UGT1A8: variants seen among roughly 807,000 people sequenced by gnomAD.
UGT1A8 encodes the protein UDP glucuronosyltransferase family 1 member A8, also known as UDP-glucuronosyltransferase 1A8.
A neutral mutation model predicts 45.3 loss-of-function variants in UGT1A8; 39 were observed. The observed-to-expected ratio is 0.86, with a 90% confidence interval of 0.67 to 1.12. UGT1A8 has a LOEUF of 1.12. Among genes scored for constraint, UGT1A8 ranks in the 50% most tolerant of loss-of-function variants. The pLI, the probability that UGT1A8 is intolerant of heterozygous loss-of-function variation, is 0.00. For missense variants in UGT1A8, 719 were observed against 664.9 expected (o/e 1.08, Z -0.90); for synonymous variants, 275 against 249.2 (o/e 1.10, Z -0.97).
chr2:233,689,563 A>AT (rs1226947412), intron 1 of UGT1A8, among the ~76,000 whole-genome samples: 8 of 152,172 alleles, frequency 5.3e-5, no homozygotes, highest in African/African-American at 1.7e-4. Flanking sequence ...GAATTCAGAG[A>AT]TTTTCTGATT....
chr2:233,632,277 C>T (rs1285999966), intron 1 of UGT1A8, among the ~76,000 whole-genome samples: 1 of 152,150 alleles, frequency 6.6e-6, no homozygotes, highest in Admixed American at 6.5e-5. Context: ...ATGATGCCTC[C>T]AGCTTTGTTC....
Position 233,743,631 on chromosome 2 carries a change from G to T in UGT1A8, c.856-23403G>T, listed in dbSNP as rs1346320649. Reference sequence around the variant, plus strand: ...AAGAACTCCCTGAAGACGTCGGCTGGGTCGCGGAAGCTGAAGACGTACTCG... The same window carrying T: ...AAGAACTCCCTGAAGACGTCGGCTGTGTCGCGGAAGCTGAAGACGTACTCG... On this transcript the variant is annotated intron_variant, in intron 1 of 4. Transcript: ENST00000373450. The T allele has an allele frequency of 2.2e-6, 3 of 1,367,310 alleles. No homozygotes were observed. The East Asian group carries it at 1.4e-4, about 62-fold the overall frequency. 84.7% of individuals were successfully genotyped at this position (1,367,310 alleles called of 1,614,324 possible).
At chr2:233,721,970 T>C (rs996384194) in intron 1 of UGT1A8, 2 of 281,884 alleles carry the variant, frequency 7.1e-6, no homozygotes, top group African/African-American at 4.4e-5. Context: ...CATACATTGA[T>C]GGCCTGGGTA....
At chr2:233,670,904 C>T (rs925329151) in intron 1 of UGT1A8, among the ~76,000 whole-genome samples, 1 of 152,076 alleles carries the variant, frequency 6.6e-6, no homozygotes, top group South Asian at 2.1e-4. Flanking sequence ...GTGTTCTTGC[C>T]GAGGCCTTCT....
intron 1 of UGT1A8, chr2:233,647,869 T>G: frequency 7.1e-7 from 1 of 1,403,494 alleles, no homozygotes; most frequent in African/African-American, 1.4e-5. Context: ...GTTTTTCTAT[T>G]TCCTATTTCA....
chr2:233,736,452 G>A (rs1396481734), intron 1 of UGT1A8, among the ~76,000 whole-genome samples: 6 of 152,126 alleles, frequency 3.9e-5, no homozygotes, highest in Non-Finnish European at 7.3e-5. Flanking sequence ...CAATAGGTTC[G>A]AACATGCACT....
intron 1 of UGT1A8, among the ~76,000 whole-genome samples, chr2:233,657,029 G>T (rs1383603904): frequency 1.3e-5 from 2 of 151,876 alleles, no homozygotes; most frequent in Non-Finnish European, 2.9e-5. Context: ...GAAATCCCTG[G>T]TGTCAGTTAC....
Position 233,619,907 on chromosome 2 carries a change from G to A in UGT1A8, c.855+1345G>A, listed in dbSNP as rs560748068. 2.6e-5 allele frequency among the ~76,000 whole-genome samples: 4 copies of A among 152,302 alleles called. No homozygotes were observed. In the East Asian group the frequency reaches 7.7e-4, roughly 29 times the overall value. On this transcript the variant is annotated intron_variant, in intron 1 of 4. Coordinates refer to ENST00000373450, the MANE Select transcript of UGT1A8 (RefSeq NM_019076.5). ...AACATTATTGAGTAATATTGTTAGA[G>A]TAGCCAGTTTAAATAGGGATTTGGT...
At chr2:233,700,667 C>G (rs1209326436) in intron 1 of UGT1A8, among the ~76,000 whole-genome samples, 1 of 152,052 alleles carries the variant, frequency 6.6e-6, no homozygotes, top group Non-Finnish European at 1.5e-5. Context: ...TACTTTTCAG[C>G]ACAAATTCGT....
At chr2:233,758,825 CA>C (rs1386415381) in intron 1 of UGT1A8, among the ~76,000 whole-genome samples, 2 of 152,114 alleles carry the variant, frequency 1.3e-5, no homozygotes, top group Non-Finnish European at 2.9e-5. Flanking sequence ...ATATCCCCCC[CA>C]AAAAGAGTGT....
At chr2:233,628,442 A>G (rs937814195) in intron 1 of UGT1A8, among the ~76,000 whole-genome samples, 7 of 152,238 alleles carry the variant, frequency 4.6e-5, no homozygotes, top group South Asian at 2.1e-4. Context: ...TGTATATAGA[A>G]AGAAGATTAG....
chr2:233,725,665 A>G (rs933805382), intron 1 of UGT1A8, among the ~76,000 whole-genome samples: 6 of 152,202 alleles, frequency 3.9e-5, no homozygotes, highest in Admixed American at 3.9e-4. Context: ...TCAATTTGGA[A>G]TAGTCACATT....
At chr2:233,765,847 T>G (rs531904348) in intron 1 of UGT1A8, among the ~76,000 whole-genome samples, 5 of 152,168 alleles carry the variant, frequency 3.3e-5, no homozygotes, top group African/African-American at 9.6e-5. Context: ...CTTGTCCCCC[T>G]CACAGAGCAT....
chr2:233,717,646 G>A (rs1286894473), intron 1 of UGT1A8: 4 of 401,574 alleles, frequency 1.0e-5, no homozygotes, highest in African/African-American at 8.2e-5. Context: ...GGGGCGACCA[G>A]GACAAGGAAG....
chr2:233,665,491 G>T lies in UGT1A8; in HGVS notation c.855+46929G>T, dbSNP rs191610645. 8.2e-3 allele frequency among the ~76,000 whole-genome samples: 1,247 copies of T among 152,276 alleles called. 9 individuals are homozygous for T. The highest frequency in any genetic ancestry group is 0.028 in the African/African-American group (1,173 of 41,558). On this transcript the variant is annotated intron_variant, in intron 1 of 4. Transcript: ENST00000373450. ...CAAAGTAGTGCCTTGTACACTTTTTGACTTGAAATACAGGAGGCAGAAGCA... is the reference window on the plus strand; with the variant it reads ...CAAAGTAGTGCCTTGTACACTTTTTTACTTGAAATACAGGAGGCAGAAGCA...
At chr2:233,718,662 T>C (rs2076673161) in intron 1 of UGT1A8, 13 of 1,536,316 alleles carry the variant, frequency 8.5e-6, no homozygotes, top group Admixed American at 7.8e-5. Context: ...AAGGCAGTTA[T>C]AGATTAATGG....
intron 1 of UGT1A8, among the ~76,000 whole-genome samples, chr2:233,642,718 G>A (rs1170711532): frequency 1.3e-5 from 2 of 152,196 alleles, no homozygotes; most frequent in East Asian, 1.9e-4. Flanking sequence ...AGCTGTTTCT[G>A]CTTTAGGGGG....
At chr2:233,719,385 A>C in intron 1 of UGT1A8, 1 of 1,613,980 alleles carries the variant, frequency 6.2e-7, no homozygotes, top group Non-Finnish European at 8.5e-7. Flanking sequence ...ACAGTGTCCA[A>C]ATCCTTCCTC....
chr2:233,715,999 A>C (rs2076482577), intron 1 of UGT1A8, among the ~76,000 whole-genome samples: 1 of 152,184 alleles, frequency 6.6e-6, no homozygotes, highest in African/African-American at 2.4e-5. Flanking sequence ...ACAAAACCCA[A>C]AATGACTTTA....
Sources: gnomAD v4.1 joint callset for allele counts (sites outside exome capture counted in the v4.1 genomes callset) on GRCh38, gnomAD v4.1.1 for gene constraint, MANE v1.5 for transcripts, NCBI Gene and HGNC (gene_info 2026-07-23, HGNC 2026-07-21) for gene names.